Variants in KIAA1549L observed in about 807,000 individuals in gnomAD.
KIAA1549L encodes UPF0606 protein KIAA1549L.
Under a neutral mutation model 160.7 loss-of-function variants are expected in KIAA1549L, and 88 were observed. The ratio of observed to expected loss-of-function variants is 0.55; its 90% CI spans 0.46 to 0.65. KIAA1549L has a LOEUF of 0.65. Ranked by LOEUF, KIAA1549L falls within the 30% of genes least tolerant of loss-of-function variation. The pLI is 0.00. For missense variants in KIAA1549L, 2,258 were observed against 2,437.5 expected (o/e 0.93, Z 1.55); for synonymous variants, 950 against 976.7 (o/e 0.97, Z 0.51).
intron 7 of KIAA1549L, 53 bp from the exon 8 acceptor site, chr11:33,561,623 C>T (rs965416571): frequency 2.3e-5 from 31 of 1,347,014 alleles, no homozygotes; most frequent in African/African-American, 4.3e-5. Flanking sequence ...ATAAATGAAA[C>T]GAAACAAATC....
rs1026065943 is a variant in KIAA1549L, at chr11:33,633,477, A to T, written c.5410-12209A>T. On this transcript the variant is annotated intron_variant, in intron 16 of 20. Coordinates refer to ENST00000658780, the MANE Select transcript of KIAA1549L (RefSeq NM_012194.3). ...TCCGTCTGGTTTTTTCAAGAGCTGA[A>T]GAGGTGAAAGGGCAGACTTGAGTGG... Among the ~76,000 whole-genome samples, 3 of 152,072 alleles carry T rather than the reference A, an allele frequency of 2.0e-5. No homozygotes were observed. In the East Asian group the frequency reaches 5.8e-4, roughly 29 times the overall value.
intron 1 of KIAA1549L, among the ~76,000 whole-genome samples, chr11:33,512,500 G>A (rs1227932482): frequency 6.6e-6 from 1 of 152,132 alleles, no homozygotes; most frequent in Non-Finnish European, 1.5e-5. Context: ...TCGGCTCACA[G>A]GAACCTTGAT....
At chr11:33,626,045 G>A (rs1821919481) in intron 16 of KIAA1549L, among the ~76,000 whole-genome samples, 1 of 150,422 alleles carries the variant, frequency 6.6e-6, no homozygotes, top group Admixed American at 6.6e-5. Context: ...GTTTTTCTCA[G>A]GTTTGTCAAA....
intron 1 of KIAA1549L, among the ~76,000 whole-genome samples, chr11:33,453,430 T>G (rs1399390601): frequency 6.6e-6 from 1 of 152,176 alleles, no homozygotes; most frequent in East Asian, 1.9e-4. Context: ...TGTGGCTGCT[T>G]ATACAAGAGG....
intron 20 of KIAA1549L, among the ~76,000 whole-genome samples, chr11:33,666,623 T>G (rs1564950585): frequency 6.6e-6 from 1 of 152,342 alleles, no homozygotes; most frequent in South Asian, 2.1e-4. Flanking sequence ...TGTGGGAGAA[T>G]CGACTCTAAA....
At chr11:33,485,461 CTA>C (rs1852502697) in intron 1 of KIAA1549L, among the ~76,000 whole-genome samples, 1 of 151,826 alleles carries the variant, frequency 6.6e-6, no homozygotes, top group African/African-American at 2.4e-5. Flanking sequence ...ACAAAAGTAT[CTA>C]TTTGTTTTTT....
chr11:33,544,971 CAAAGAGGACA>C lies in KIAA1549L; in HGVS notation c.2979_2988del (p.Lys994GlnfsTer73), dbSNP rs752820956. The C allele has an allele frequency of 6.2e-7, 1 of 1,613,962 alleles. No individual in the cohort carries two copies. The highest frequency in any genetic ancestry group is 1.7e-5 in the Admixed American group (1 of 60,022). ...GTCACAAACAAGGCCGCATCTGGCC[CAAAGAGGACA>C]CCAGGGGCAGTCCATACAGCCTTCC... On this transcript the variant is annotated frameshift_variant, in exon 3 of 21. Coordinates refer to ENST00000658780, the MANE Select transcript of KIAA1549L (RefSeq NM_012194.3). LOFTEE classifies it high-confidence loss of function.
In KIAA1549L at chr11:33,551,223, A is replaced by G. The variant is rs4755705; in HGVS notation, c.3685A>G (p.Asn1229Asp). 1.7e-3 allele frequency: 2,806 copies of G among 1,613,642 alleles called. 94 individuals carry two copies. In the East Asian group the frequency reaches 0.052, roughly 30 times the overall value. ...QSVAVLASPW[N>D]PQPAGYFQLK... ...TGTGGCAGTACTTGCCTCCCCATGGAATCCCCAGCCTGCAGGCTACTTCCA... is the reference window on the plus strand; with the variant it reads ...TGTGGCAGTACTTGCCTCCCCATGGGATCCCCAGCCTGCAGGCTACTTCCA... The change falls in exon 5 of 21, where the codon AAT (asparagine) becomes GAT (aspartate). Residue 1229 changes from asparagine (N) to aspartate (D), a missense_variant. Asn to Asp is a conservative substitution (Grantham distance 23, BLOSUM62 1). This residue lies in a region of KIAA1549L where 1,359 missense variants were observed against 1,546.6 expected (regional missense o/e 0.88). Transcript: ENST00000658780.
At chr11:33,420,102 G>A (rs1850975773) in intron 1 of KIAA1549L, among the ~76,000 whole-genome samples, 1 of 151,758 alleles carries the variant, frequency 6.6e-6, no homozygotes, top group African/African-American at 2.4e-5. Flanking sequence ...GACACTATTT[G>A]TGGTAAATAT....
chr11:33,403,276 G>GCAGAC (rs1590221278), intron 1 of KIAA1549L: 1 of 7,068 alleles, frequency 1.4e-4, no homozygotes, highest in African/African-American at 5.5e-4. Context: ...GACACACACA[G>GCAGAC]ACACAGACAC....
chr11:33,512,253 T>G (rs1028550826), intron 1 of KIAA1549L, among the ~76,000 whole-genome samples: 6 of 152,120 alleles, frequency 3.9e-5, no homozygotes, highest in African/African-American at 1.4e-4. Flanking sequence ...GATTGGAAGG[T>G]TAATAATGGA....
chr11:33,616,705 CTA>C (rs1313828979), intron 15 of KIAA1549L, among the ~76,000 whole-genome samples: 2 of 152,192 alleles, frequency 1.3e-5, no homozygotes, highest in East Asian at 3.9e-4. Context: ...AATTCTGTGA[CTA>C]ACTTACTGTG....
At position 33,519,110 on chromosome 11, in the gene KIAA1549L, G is replaced by C. The variant is rs989521761; in HGVS notation, c.239-22692G>C. ...AATAGACTGGATGTTTTGAACATGAGAACTGTCTAATGTAGGTTAGCATGA... is the reference window on the plus strand; with the variant it reads ...AATAGACTGGATGTTTTGAACATGACAACTGTCTAATGTAGGTTAGCATGA... On this transcript the variant is annotated intron_variant, in intron 1 of 20. Transcript: ENST00000658780. Among the ~76,000 whole-genome samples, 3 of 152,178 alleles carry C rather than the reference G, an allele frequency of 2.0e-5. No individual in the cohort carries two copies. The East Asian group carries it at 5.8e-4, about 29-fold the overall frequency.
intron 16 of KIAA1549L, 73 bp downstream of exon 16, chr11:33,618,735 T>C (rs1850886805): frequency 7.7e-7 from 1 of 1,300,716 alleles, no homozygotes; most frequent in East Asian, 2.7e-5. Context: ...GGCATCCCAC[T>C]GTGTTTTGGT....
intron 13 of KIAA1549L, among the ~76,000 whole-genome samples, chr11:33,604,777 T>A (rs997270147): frequency 6.6e-6 from 1 of 152,102 alleles, no homozygotes; most frequent in African/African-American, 2.4e-5. Context: ...CACAGAGTGA[T>A]ATAATGGACT....
intron 3 of KIAA1549L, among the ~76,000 whole-genome samples, chr11:33,546,516 A>T (rs988564670): frequency 2.6e-5 from 4 of 152,058 alleles, no homozygotes; most frequent in Non-Finnish European, 4.4e-5. Flanking sequence ...CCTATTTCAC[A>T]CTGCCACTTC....
At chr11:33,528,438 A>G (rs1003272261) in intron 1 of KIAA1549L, among the ~76,000 whole-genome samples, 2 of 152,252 alleles carry the variant, frequency 1.3e-5, no homozygotes, top group Admixed American at 6.5e-5. Context: ...AAGAACTGAA[A>G]GTAAAACTGC....
At chr11:33,498,404 G>A (rs946720598) in intron 1 of KIAA1549L, among the ~76,000 whole-genome samples, 3 of 152,192 alleles carry the variant, frequency 2.0e-5, no homozygotes, top group Non-Finnish European at 4.4e-5. Context: ...GCCCCTTTAT[G>A]CCCTTTTGAT....
intron 15 of KIAA1549L, 99 bp downstream of exon 15, chr11:33,610,065 G>C (rs2133330165): frequency 1.2e-6 from 1 of 864,154 alleles, no homozygotes; most frequent in Non-Finnish European, 1.9e-6. Context: ...GGTACTGTAG[G>C]ATTGTGATCT....
Sources: gnomAD v4.1 joint callset for allele counts (sites outside exome capture counted in the v4.1 genomes callset) on GRCh38, gnomAD v4.1.1 for gene constraint, gnomAD v4.1.1 regional missense constraint, MANE v1.5 for transcripts, NCBI Gene and HGNC (gene_info 2026-07-23, HGNC 2026-07-21) for gene names.